The following KIF21A variants were observed in gnomAD, a reference collection of about 807,000 sequenced individuals.
KIF21A encodes kinesin-like protein KIF21A.
A neutral mutation model predicts 202.9 loss-of-function variants in KIF21A; 114 were observed. That is an observed-to-expected ratio of 0.56 (90% confidence interval 0.48 to 0.66). The LOEUF (loss-of-function observed/expected upper bound fraction) is 0.66, where lower values mean the gene tolerates loss of function less well. Ranked by LOEUF, KIF21A falls within the 30% of genes least tolerant of loss-of-function variation. The pLI is 0.00. For synonymous variants in KIF21A, 667 were observed against 670.8 expected (o/e 0.99, Z 0.09); for missense variants, 1,677 against 1,994.9 (o/e 0.84, Z 3.04).
At chr12:39,418,077 G>A (rs1953929469) in intron 1 of KIF21A, among the ~76,000 whole-genome samples, 2 of 151,868 alleles carry the variant, frequency 1.3e-5, no homozygotes, top group Non-Finnish European at 2.9e-5. Context: ...GCGTGGTGGT[G>A]TATGCCTCTA....
At chr12:39,438,413 C>T (rs1939114271) in intron 1 of KIF21A, among the ~76,000 whole-genome samples, 1 of 152,160 alleles carries the variant, frequency 6.6e-6, no homozygotes, top group African/African-American at 2.4e-5. Context: ...GTTCTTACAA[C>T]TCTTAATATC....
rs918957606 is a variant in KIF21A, at chr12:39,443,108, A to C, written c.-138T>G. ...GGCTCACCTCCGCCGCGCTCCAGCC[A>C]TGTTGGGCGACTGAATGGAAAGGTG... On this transcript the variant is annotated 5_prime_UTR_variant, in exon 1 of 38. It removes an upstream start codon present in the reference 5' UTR. Transcript: ENST00000361418. 3.6e-6 allele frequency: 3 copies of C among 826,310 alleles called. No homozygotes were observed. Among genetic ancestry groups the C allele is most frequent in the Non-Finnish European group, 3.4e-6 (2 of 580,052 alleles). The allele number at this position is 826,310 out of a possible 1,614,324, so 51.2% of individuals were successfully genotyped here. A position where few individuals can be genotyped will look rare whatever the true frequency, so the allele number is the denominator to read the frequency against.
In KIF21A at chr12:39,316,730, T is replaced by C. The variant is rs1592102011; in HGVS notation, c.3909-760A>G. On this transcript the variant is annotated intron_variant, in intron 29 of 37. Transcript: ENST00000361418. ...AGATCTGCGTCTTGCTAGTGGGATA[T>C]GGTTGCTTCAAAAAGGAGCCCCAGA... 2.0e-5 allele frequency among the ~76,000 whole-genome samples: 3 copies of C among 152,154 alleles called. No individual in the cohort carries two copies. The South Asian group carries it at 6.2e-4, about 32-fold the overall frequency.
chr12:39,416,711 G>A (rs1348749450), intron 1 of KIF21A, among the ~76,000 whole-genome samples: 1 of 86,392 alleles, frequency 1.2e-5, no homozygotes, highest in East Asian at 3.9e-4. Flanking sequence ...ACATATATAT[G>A]TGTGTATATA....
chr12:39,331,917 T>C, intron 21 of KIF21A, 126 bp from the exon 22 acceptor site: 1 of 778,824 alleles, frequency 1.3e-6, no homozygotes. Flanking sequence ...ATAAGTGCAA[T>C]ATATGATCAT....
intron 1 of KIF21A, among the ~76,000 whole-genome samples, chr12:39,421,788 G>A: frequency 7.1e-6 from 1 of 141,432 alleles, no homozygotes; most frequent in Admixed American, 7.1e-5. Flanking sequence ...AATAAAATAT[G>A]TATAATTTTA....
At chr12:39,379,166 C>T (rs1950451051) in intron 1 of KIF21A, among the ~76,000 whole-genome samples, 2 of 152,010 alleles carry the variant, frequency 1.3e-5, no homozygotes, top group Admixed American at 6.6e-5. Flanking sequence ...CCCATCTCTA[C>T]TAAAAATACA....
At chr12:39,316,658 A>G (rs939402869) in intron 29 of KIF21A, among the ~76,000 whole-genome samples, 10 of 152,120 alleles carry the variant, frequency 6.6e-5, no homozygotes, top group African/African-American at 2.4e-4. Flanking sequence ...GAGGAGAATG[A>G]GGATATGGTG....
At chr12:39,319,457 G>A (rs1944962856) in intron 28 of KIF21A, among the ~76,000 whole-genome samples, 1 of 152,098 alleles carries the variant, frequency 6.6e-6, no homozygotes, top group Non-Finnish European at 1.5e-5. Context: ...ACAAGAAAAT[G>A]GCACAATAAC....
In KIF21A at chr12:39,360,276, A is replaced by G. The variant is rs571573888; in HGVS notation, c.1020-1903T>C. ...ACAATTCTGCTTTAAAGAGAACTAT[A>G]TCACTTAAATATTTTATTATATTGT... On this transcript the variant is annotated intron_variant, in intron 7 of 37. Transcript: ENST00000361418. Among the ~76,000 whole-genome samples, 3 of 152,262 alleles carry G rather than the reference A, an allele frequency of 2.0e-5. No homozygotes were observed. The South Asian group carries it at 6.2e-4, about 32-fold the overall frequency.
intron 11 of KIF21A, among the ~76,000 whole-genome samples, chr12:39,351,405 TA>T (rs1173452456): frequency 1.3e-5 from 2 of 152,126 alleles, no homozygotes; most frequent in Non-Finnish European, 2.9e-5. Flanking sequence ...TGAGACTATT[TA>T]ATTGCATTAG....
Position 39,416,687 on chromosome 12 carries a change from G to GTA in KIF21A, c.44+26238_44+26239dup, listed in dbSNP as rs34970852. Among the ~76,000 whole-genome samples the GTA allele has an allele frequency of 1.6e-4, 14 of 86,662 alleles. 1 individual carries two copies. Among genetic ancestry groups the GTA allele is most frequent in the Middle Eastern group, 7.2e-3 (1 of 138 alleles). 56.9% of individuals were successfully genotyped at this position (86,662 alleles called of 152,430 possible). On this transcript the variant is annotated intron_variant, in intron 1 of 37. Coordinates refer to ENST00000361418, the MANE Select transcript of KIF21A (RefSeq NM_001173464.2). ...TATATATATGTACATATATATGTGTGTATATATATATGTACATATATATGT... is the reference window on the plus strand; with the variant it reads ...TATATATATGTACATATATATGTGTGTATATATATATATGTACATATATATGT...
At position 39,331,731 on chromosome 12, in the gene KIF21A, G is replaced by A. The variant is rs1360570327; in HGVS notation, c.3112C>T (p.Arg1038Ter). 4 of 1,613,376 alleles carry A rather than the reference G, an allele frequency of 2.5e-6. No homozygotes were observed. Among genetic ancestry groups the A allele is most frequent in the East Asian group, 2.2e-5 (1 of 44,828 alleles). Reference protein sequence around the residue: ...VINACTLTEARYLLDHFLSMG... With the variant: ...VINACTLTEA ...GACAGGAAGTGATCTAGCAGGTATCGGGCTTCTGTAAGGGTGCAGGCATTA... is the reference window on the plus strand; with the variant it reads ...GACAGGAAGTGATCTAGCAGGTATCAGGCTTCTGTAAGGGTGCAGGCATTA... Residue 1038 changes from arginine (R) to a stop codon, truncating the protein, a stop_gained, in exon 22 of 38, where the codon CGA (arginine) becomes TGA (stop). Transcript: ENST00000361418. LOFTEE classifies it high-confidence loss of function.
At chr12:39,334,335 C>T (rs1803761012) in intron 17 of KIF21A, among the ~76,000 whole-genome samples, 1 of 151,950 alleles carries the variant, frequency 6.6e-6, no homozygotes, top group South Asian at 2.1e-4. Flanking sequence ...TGACAGTTCA[C>T]TACAAACTTC....
At chr12:39,335,786 C>T (rs1229769058) in intron 17 of KIF21A, among the ~76,000 whole-genome samples, 2 of 152,116 alleles carry the variant, frequency 1.3e-5, no homozygotes, top group Admixed American at 1.3e-4. Context: ...ATTTTAAATG[C>T]CCAGGAATTA....
At chr12:39,436,020 C>T (rs1938633178) in intron 1 of KIF21A, among the ~76,000 whole-genome samples, 1 of 152,016 alleles carries the variant, frequency 6.6e-6, no homozygotes, top group South Asian at 2.1e-4. Context: ...CCTGCGGTTC[C>T]TCTCCCTTTA....
chr12:39,391,074 G>A (rs886972163), intron 1 of KIF21A, among the ~76,000 whole-genome samples: 1 of 152,140 alleles, frequency 6.6e-6, no homozygotes, highest in Non-Finnish European at 1.5e-5. Flanking sequence ...ACTGAAGTCA[G>A]GATAGAAGGA....
chr12:39,432,230 T>G (rs955247547), intron 1 of KIF21A, among the ~76,000 whole-genome samples: 5 of 152,242 alleles, frequency 3.3e-5, no homozygotes, highest in Non-Finnish European at 7.3e-5. Flanking sequence ...TTCATCCTAA[T>G]ACATTGTGTC....
intron 11 of KIF21A, among the ~76,000 whole-genome samples, chr12:39,348,011 C>A (rs151201902): frequency 1.3e-5 from 2 of 152,052 alleles, no homozygotes; most frequent in African/African-American, 4.8e-5. Flanking sequence ...TCATGAAGAA[C>A]CCAGATTTTC....
Sources: gnomAD v4.1 joint callset for allele counts (sites outside exome capture counted in the v4.1 genomes callset) on GRCh38, gnomAD v4.1.1 for gene constraint, MANE v1.5 for transcripts, NCBI Gene and HGNC (gene_info 2026-07-23, HGNC 2026-07-21) for gene names.